The following GALNT13 variants were observed in gnomAD, a reference collection of about 807,000 sequenced individuals.
The protein encoded by GALNT13 is polypeptide N-acetylgalactosaminyltransferase 13.
Under a neutral mutation model 64.2 loss-of-function variants are expected in GALNT13, and 28 were observed. That is an observed-to-expected ratio of 0.44 (90% confidence interval 0.32 to 0.60). The LOEUF is 0.60. GALNT13 is among the 20% of genes least tolerant of loss of function. The pLI is 0.05. For missense variants in GALNT13, 577 were observed against 669.8 expected (o/e 0.86, Z 1.53); for synonymous variants, 214 against 224.6 (o/e 0.95, Z 0.42).
chr2:154,250,354 T>G (rs1329840166), intron 7 of GALNT13, among the ~76,000 whole-genome samples: 1 of 152,098 alleles, frequency 6.6e-6, no homozygotes, highest in African/African-American at 2.4e-5. Flanking sequence ...TGATATATCA[T>G]CAATATTTTT....
chr2:154,196,467 G>A (rs1274545755), intron 4 of GALNT13, among the ~76,000 whole-genome samples: 1 of 152,020 alleles, frequency 6.6e-6, no homozygotes, highest in Non-Finnish European at 1.5e-5. Flanking sequence ...TAATCTACTG[G>A]TGTTGGTCAT....
the GALNT13 span, among the ~76,000 whole-genome samples, chr2:153,124,089 C>T: frequency 2.0e-5 from 3 of 152,126 alleles, no homozygotes; most frequent in Non-Finnish European, 4.4e-5. Flanking sequence ...TAGAGAGGTC[C>T]ACATAGCAAG....
the GALNT13 span, among the ~76,000 whole-genome samples, chr2:153,163,996 C>T: frequency 4.2e-5 from 6 of 142,806 alleles, no homozygotes; most frequent in East Asian, 4.1e-4. Flanking sequence ...CCAGCCTGGG[C>T]GACCGAGCCA....
chr2:153,970,036 C>T (rs1693635273), intron 3 of GALNT13, among the ~76,000 whole-genome samples: 1 of 152,148 alleles, frequency 6.6e-6, no homozygotes, highest in Non-Finnish European at 1.5e-5. Context: ...TAGGTGTTTA[C>T]TACGTAGCAT....
At chr2:153,305,674 T>G in the GALNT13 span, among the ~76,000 whole-genome samples, 6 of 152,256 alleles carry the variant, frequency 3.9e-5, no homozygotes, top group Admixed American at 1.3e-4. Flanking sequence ...GCTCCTCCCC[T>G]AGAGATCCTG....
At chr2:153,763,981 A>T in the GALNT13 span, among the ~76,000 whole-genome samples, 13 of 152,178 alleles carry the variant, frequency 8.5e-5, no homozygotes, top group Non-Finnish European at 1.9e-4. Context: ...ACAGAGGAAG[A>T]TGTGGGAAAG....
At position 154,450,569 on chromosome 2, in the gene GALNT13, C is replaced by T; in HGVS notation, c.*18C>T. The T allele has an allele frequency of 3.8e-6, 6 of 1,567,610 alleles. No homozygotes were observed. The highest frequency in any genetic ancestry group is 5.2e-6 in the Non-Finnish European group (6 of 1,160,808). On this transcript the variant is annotated 3_prime_UTR_variant, in exon 13 of 13. Coordinates refer to ENST00000392825, the MANE Select transcript of GALNT13 (RefSeq NM_052917.4). ...GCACATGAAGATCATGTCCTCCAAG[C>T]CATGAAAGTGTCTACGCTTTTGTTT... is the stretch of plus-strand genomic sequence containing the variant.
chr2:153,222,272 C>T, the GALNT13 span, among the ~76,000 whole-genome samples: 1 of 82,880 alleles, frequency 1.2e-5, no homozygotes, highest in Non-Finnish European at 2.2e-5. Context: ...CTCATTTCCG[C>T]AGGCAGGTTT....
chr2:153,338,501 A>C, the GALNT13 span, among the ~76,000 whole-genome samples: 3 of 152,160 alleles, frequency 2.0e-5, no homozygotes, highest in Non-Finnish European at 4.4e-5. Flanking sequence ...TTAATTGACA[A>C]TTAGAAATGA....
chr2:154,272,906 TA>T (rs1256319526), intron 8 of GALNT13, among the ~76,000 whole-genome samples: 2 of 152,174 alleles, frequency 1.3e-5, no homozygotes, highest in Admixed American at 6.6e-5. Flanking sequence ...AAAATAGCTT[TA>T]AAATTTTAAA....
At chr2:153,211,574 T>A in the GALNT13 span, among the ~76,000 whole-genome samples, 1 of 152,222 alleles carries the variant, frequency 6.6e-6, no homozygotes, top group African/African-American at 2.4e-5. Context: ...CAGTAGAAGC[T>A]AACAGCATCA....
the GALNT13 span, among the ~76,000 whole-genome samples, chr2:153,129,034 C>T: frequency 6.6e-6 from 1 of 152,078 alleles, no homozygotes; most frequent in African/African-American, 2.4e-5. Flanking sequence ...CAGATAGTGT[C>T]CATAGGAATT....
the GALNT13 span, among the ~76,000 whole-genome samples, chr2:153,681,770 C>T: frequency 6.6e-6 from 1 of 151,688 alleles, no homozygotes; most frequent in African/African-American, 2.4e-5. Context: ...GGGGAATAGC[C>T]TCATTCAAAT....
At chr2:153,554,091 C>T in the GALNT13 span, among the ~76,000 whole-genome samples, 12 of 150,694 alleles carry the variant, frequency 8.0e-5, no homozygotes, top group South Asian at 2.1e-4. Flanking sequence ...CCAAGGTGGG[C>T]GGATCACGAG....
the GALNT13 span, among the ~76,000 whole-genome samples, chr2:153,825,652 G>A: frequency 2.1e-5 from 3 of 145,456 alleles, no homozygotes; most frequent in Admixed American, 6.9e-5. Flanking sequence ...GTGTGTGTGT[G>A]TATCCACTGA....
intron 8 of GALNT13, among the ~76,000 whole-genome samples, chr2:154,260,755 G>A (rs1690653728): frequency 6.6e-6 from 1 of 152,090 alleles, no homozygotes; most frequent in African/African-American, 2.4e-5. Context: ...ATATTCAGAA[G>A]TTTAGAAATA....
At chr2:153,837,928 AT>A in the GALNT13 span, among the ~76,000 whole-genome samples, 7 of 151,984 alleles carry the variant, frequency 4.6e-5, no homozygotes, top group African/African-American at 1.7e-4. Context: ...CCTCACCAAT[AT>A]TTATTATCAT....
chr2:153,149,369 T>C, the GALNT13 span, among the ~76,000 whole-genome samples: 1 of 151,842 alleles, frequency 6.6e-6, no homozygotes, highest in African/African-American at 2.4e-5. Context: ...GCTTTCTTTT[T>C]TTCTGAGCAT....
chr2:154,080,021 C>A (rs562432694), intron 3 of GALNT13, among the ~76,000 whole-genome samples: 1 of 151,242 alleles, frequency 6.6e-6, no homozygotes, highest in Non-Finnish European at 1.5e-5. Context: ...CTTCTTCCAC[C>A]CCTTTGTTTT....
Sources: allele counts gnomAD v4.1 joint callset (sites outside exome capture counted in the v4.1 genomes callset), GRCh38; gene constraint gnomAD v4.1.1; transcripts MANE v1.5; gene names NCBI Gene and HGNC (gene_info 2026-07-23, HGNC 2026-07-21).